Variants in REEP4 observed in about 807,000 individuals in gnomAD.
REEP4 encodes receptor expression-enhancing protein 4.
A neutral mutation model predicts 33.5 loss-of-function variants in REEP4; 17 were observed. That is an observed-to-expected ratio of 0.51 (90% CI 0.35 to 0.76). REEP4 has a LOEUF of 0.76. Ranked by LOEUF, REEP4 falls within the 30% of genes least tolerant of loss-of-function variation. The probability of loss-of-function intolerance (pLI) is 0.01; values close to 1 mark genes in which losing one functional copy is unlikely to be tolerated. For synonymous variants in REEP4, 157 were observed against 142.9 expected (o/e 1.10, Z -0.70); for missense variants, 340 against 357.9 (o/e 0.95, Z 0.40).
chr8:22,139,209 A>G (rs761553707), intron 5 of REEP4, 148 bp from the exon 6 acceptor site: 20 of 1,147,988 alleles, frequency 1.7e-5, no homozygotes, highest in Non-Finnish European at 3.8e-6. Context: ...CCAAAGTCAG[A>G]GAGCAGGAGC....
At position 22,138,030 on chromosome 8, in the gene REEP4, GTATT is replaced by G. The variant is rs758948593; in HGVS notation, c.*453_*456del. 71 of 408,942 alleles carry G rather than the reference GTATT, an allele frequency of 1.7e-4. No individual in the cohort carries two copies. Among genetic ancestry groups the G allele is most frequent in the Non-Finnish European group, 2.9e-4 (64 of 219,614 alleles). The allele number at this position is 408,942 out of a possible 1,614,324, so 25.3% of individuals were successfully genotyped here. On this transcript the variant is annotated 3_prime_UTR_variant, in exon 8 of 8. Coordinates refer to ENST00000306306, the MANE Select transcript of REEP4 (RefSeq NM_025232.4). ...ATCAGGAGAAACAGAGCCCCTTTATGTATTTATTTATCAAAACACTCGCAAACCT... is the reference window on the plus strand; with the variant it reads ...ATCAGGAGAAACAGAGCCCCTTTATGTATTTATCAAAACACTCGCAAACCT...
intron 4 of REEP4, 156 bp from the exon 5 acceptor site, chr8:22,139,685 G>T: frequency 2.8e-6 from 2 of 706,872 alleles, no homozygotes; most frequent in Non-Finnish European, 4.6e-6. Context: ...CAGACCAAGA[G>T]CAGGGCTGCC....
chr8:22,139,169 G>A (rs748404491), intron 5 of REEP4, 108 bp from the exon 6 acceptor site: 2 of 1,449,362 alleles, frequency 1.4e-6, no homozygotes, highest in Non-Finnish European at 1.9e-6. Context: ...CAAGCTTCTG[G>A]CCCCGCGCCA....
intron 4 of REEP4, 169 bp downstream of exon 4, chr8:22,139,794 C>A: frequency 1.2e-6 from 1 of 868,934 alleles, no homozygotes; most frequent in Non-Finnish European, 1.7e-6. Flanking sequence ...GTACCCCCAC[C>A]TGATTATCCC....
rs777064408 is a variant in REEP4, at chr8:22,138,639, C to T, written c.708G>A (p.Glu236=). Residue 236 remains glutamate (E), a splice_region_variant and synonymous_variant, in exon 7 of 8, where the codon GAG becomes GAA. Transcript: ENST00000306306. ...RVVKRKPPVR[E]GTSRSLKVRT... The stretch of plus-strand genomic sequence containing the variant: ...CCTCCTGTCGTCCTCCCACACTGAC[C>T]TCCCGCACCGGTGGCTTCCTCTTGA... 2.5e-5 allele frequency: 41 copies of T among 1,613,866 alleles called. No individual in the cohort carries two copies. Among genetic ancestry groups the T allele is most frequent in the Non-Finnish European group, 2.4e-5 (28 of 1,180,036 alleles).
At chr8:22,138,818 G>A (rs2131780168) in intron 6 of REEP4, 25 bp from the exon 7 acceptor site, 1 of 1,577,008 alleles carries the variant, frequency 6.3e-7, no homozygotes, top group South Asian at 1.2e-5. Flanking sequence ...AGGTGAAGCT[G>A]AAAGCCTGCG....
In REEP4 at chr8:22,138,670, C is replaced by A. The variant is rs537439147; in HGVS notation, c.677G>T (p.Arg226Leu). The A allele has an allele frequency of 6.2e-7, 1 of 1,613,862 alleles. No individual in the cohort carries two copies. The highest frequency in any genetic ancestry group is 1.1e-5 in the South Asian group (1 of 91,090). ...CACCGGTGGCTTCCTCTTGACCACA[C>A]GCAGGCTCTGGCTGCGGATTAGGGG... ...EKPLIRSQSLRVVKRKPPVRE... is the reference protein window; with the variant it reads ...EKPLIRSQSLLVVKRKPPVRE... Residue 226 changes from arginine (R) to leucine (L), a missense_variant, in exon 7 of 8, where the codon CGT becomes CTT. Physicochemically the swap from Arg to Leu is moderately radical, Grantham distance 102. Coordinates refer to ENST00000306306, the MANE Select transcript of REEP4 (RefSeq NM_025232.4).
Position 22,141,879 on chromosome 8 carries a change from A to C in REEP4, c.-397T>G, listed in dbSNP as rs1408996407. 9.5e-6 allele frequency: 2 copies of C among 210,706 alleles called. No individual in the cohort carries two copies. Among genetic ancestry groups the C allele is most frequent in the Non-Finnish European group, 1.9e-5 (2 of 105,906 alleles). The allele number at this position is 210,706 out of a possible 1,614,324, so 13.1% of individuals were successfully genotyped here. A position where few individuals can be genotyped will look rare whatever the true frequency, so the allele number is the denominator to read the frequency against. ...ACCGGCCTACAGGGCGGAGTTCGCA[A>C]CTCACTTGAAAGTTGCACGGAACCG... On this transcript the variant is annotated 5_prime_UTR_variant, in exon 1 of 8. Coordinates refer to ENST00000306306, the MANE Select transcript of REEP4 (RefSeq NM_025232.4).
At chr8:22,139,125 C>T in intron 5 of REEP4, 64 bp from the exon 6 acceptor site, 1 of 1,546,622 alleles carries the variant, frequency 6.5e-7, no homozygotes, top group Non-Finnish European at 8.7e-7. Context: ...CAGCTAATCA[C>T]CGGAGCTGAG....
chr8:22,139,248 G>T, intron 5 of REEP4, 168 bp downstream of exon 5: 1 of 972,134 alleles, frequency 1.0e-6, no homozygotes, highest in Non-Finnish European at 1.6e-6. Context: ...CCAGAGCCAG[G>T]AAGGAAGGTC....
In REEP4 at chr8:22,140,050, G is replaced by A. The variant is rs369238696; in HGVS notation, c.216C>T (p.Phe72=). 62 of 1,613,178 alleles carry A rather than the reference G, an allele frequency of 3.8e-5. 1 individual carries two copies. The Middle Eastern group carries it at 8.3e-4, about 21-fold the overall frequency. Residue 72 remains phenylalanine (F), a synonymous_variant, in exon 4 of 8, where the codon TTC becomes TTT. Transcript: ENST00000306306. ...FPFYYEIKMA[F]VLWLLSPYTK... is the part of the protein sequence containing the mutation. ...TGTAGGGTGAGAGCAGCCACAGCAC[G>A]AAGGCCATCTTGATCTCATAGTAGA...
rs2131782751 is a variant in REEP4 at position 22,140,387 on chromosome 8, G to T, written c.106-139C>A. 3 of 946,982 alleles carry T rather than the reference G, an allele frequency of 3.2e-6. No homozygotes were observed. The East Asian group carries it at 7.4e-5, about 23-fold the overall frequency. The allele number at this position is 946,982 out of a possible 1,614,324, so 58.7% of individuals were successfully genotyped here. A position where few individuals can be genotyped will look rare whatever the true frequency, so the allele number is the denominator to read the frequency against. On this transcript the variant is annotated intron_variant, in intron 2 of 7. Transcript: ENST00000306306. ...CCACACATGGCTGGACAGGAGCTCT[G>T]AGAAACTGCTGCTCATTCCTATGCC...
At chr8:22,138,871 T>C in intron 6 of REEP4, 55 bp downstream of exon 6, 3 of 1,549,600 alleles carry the variant, frequency 1.9e-6, no homozygotes, top group Admixed American at 2.1e-5. Context: ...AGCCATGGTG[T>C]GAGTGAAGGA....
chr8:22,139,024 G>A lies in REEP4; in HGVS notation c.455C>T (p.Ser152Phe), dbSNP rs762045119. ...GALAGRLRSFSMQDLRSISDA... is the reference protein window; with the variant it reads ...GALAGRLRSFFMQDLRSISDA... The stretch of plus-strand genomic sequence containing the variant: ...AGAGATGGAGCGCAGGTCCTGCATG[G>A]AGAAGCTCCGCAGCCTGCCGGCCAG... Residue 152 changes from serine to phenylalanine, a missense_variant, in exon 6 of 8, where the codon TCC becomes TTC. Coordinates refer to ENST00000306306, the MANE Select transcript of REEP4 (RefSeq NM_025232.4). 1 of 1,596,644 alleles carries A rather than the reference G, an allele frequency of 6.3e-7. No individual in the cohort carries two copies. Among genetic ancestry groups the A allele is most frequent in the South Asian group, 1.1e-5 (1 of 88,588 alleles).
rs780881388 is a variant in REEP4, at chr8:22,140,154, C to A, written c.182+18G>T. The A allele has an allele frequency of 1.4e-5, 23 of 1,612,872 alleles. No individual in the cohort carries two copies. Among genetic ancestry groups the A allele is most frequent in the Non-Finnish European group, 1.9e-5 (22 of 1,179,754 alleles). On this transcript the variant is annotated intron_variant, in intron 3 of 7. Transcript: ENST00000306306. ...GGGGCCACCCCTGACCCATGGCTTG[C>A]GGACCCTGCGTCCATACCAGGAGAT...
intron 2 of REEP4, 76 bp downstream of exon 2, chr8:22,140,549 G>T: frequency 7.8e-7 from 1 of 1,280,424 alleles, no homozygotes; most frequent in Non-Finnish European, 1.1e-6. Context: ...CCTTGCCCCT[G>T]GAGGAGGGAG....
At position 22,138,649 on chromosome 8, in the gene REEP4, G is replaced by C. The variant is rs760630362; in HGVS notation, c.698C>G (p.Pro233Arg). Residue 233 changes from proline (P) to arginine (R), a missense_variant, in exon 7 of 8, where the codon CCG becomes CGG. By Grantham distance (103) the Pro-to-Arg change is moderately radical. Transcript: ENST00000306306. ...TCCTCCCACACTGACCTCCCGCACC[G>C]GTGGCTTCCTCTTGACCACACGCAG... ...QSLRVVKRKPPVREGTSRSLK... is the reference protein window; with the variant it reads ...QSLRVVKRKPRVREGTSRSLK... 7 of 1,613,784 alleles carry C rather than the reference G, an allele frequency of 4.3e-6. No homozygotes were observed. Among genetic ancestry groups the C allele is most frequent in the Non-Finnish European group, 5.9e-6 (7 of 1,180,036 alleles).
In REEP4 at chr8:22,139,413, C is replaced by A. The variant is rs1345526898; in HGVS notation, c.417+3G>T. On this transcript the variant is annotated splice_donor_region_variant and intron_variant, in intron 5 of 7. Coordinates refer to ENST00000306306, the MANE Select transcript of REEP4 (RefSeq NM_025232.4). ...CTGCTGGAGGGCTGGGGGCCCAGAG[C>A]ACCTTGGTGGCAGCCTGCACAGCAG... 1 of 1,602,162 alleles carries A rather than the reference C, an allele frequency of 6.2e-7. No homozygotes were observed. The highest frequency in any genetic ancestry group is 8.5e-7 in the Non-Finnish European group (1 of 1,177,246).
Position 22,141,432 on chromosome 8 carries a change from T to G in REEP4, c.32+19A>C, listed in dbSNP as rs1480757422. 2 of 1,601,594 alleles carry G rather than the reference T, an allele frequency of 1.2e-6. No homozygotes were observed. Among genetic ancestry groups the G allele is most frequent in the East Asian group, 4.6e-5 (2 of 43,578 alleles). ...ACGGCACCCCGGGGTAGAGGAGGTC[T>G]GAGGGCGGCCATACTCACACCACCA... On this transcript the variant is annotated intron_variant, in intron 1 of 7. Coordinates refer to ENST00000306306, the MANE Select transcript of REEP4 (RefSeq NM_025232.4).
Sources: allele counts gnomAD v4.1 joint callset, GRCh38; gene constraint gnomAD v4.1.1; transcripts MANE v1.5; gene names NCBI Gene and HGNC (gene_info 2026-07-23, HGNC 2026-07-21).